TLL2: variants seen among roughly 807,000 people sequenced by gnomAD.
TLL2 encodes tolloid like 2, also known as tolloid-like protein 2.
Under a neutral mutation model 123.0 loss-of-function variants are expected in TLL2, and 106 were observed. The ratio of observed to expected loss-of-function variants is 0.86; its 90% CI spans 0.74 to 1.01. TLL2 has a LOEUF of 1.01. TLL2 is among the 50% of genes least tolerant of loss of function. The pLI, the probability that TLL2 is intolerant of heterozygous loss-of-function variation, is 0.00. For missense variants in TLL2, 1,332 were observed against 1,336.7 expected (o/e 1.00, Z 0.06); for synonymous variants, 494 against 516.8 (o/e 0.96, Z 0.60).
At chr10:96,476,877 C>CACACACACACACACACAG (rs1847261463) in intron 2 of TLL2, among the ~76,000 whole-genome samples, 1 of 149,676 alleles carries the variant, frequency 6.7e-6, no homozygotes, top group African/African-American at 2.5e-5. Context: ...CACACACACA[C>CACACACACACACACACAG]ACACACACAC....
intron 3 of TLL2, among the ~76,000 whole-genome samples, chr10:96,445,530 A>C (rs1309883398): frequency 6.6e-6 from 1 of 152,046 alleles, no homozygotes. Context: ...TCTCTAGTCT[A>C]CACCTCCCCC....
chr10:96,485,156 T>C (rs1019081901), intron 1 of TLL2, among the ~76,000 whole-genome samples: 3 of 152,176 alleles, frequency 2.0e-5, no homozygotes, highest in Admixed American at 2.0e-4. Flanking sequence ...ATGACCTAAA[T>C]GTAGGAGCTA....
intron 2 of TLL2, among the ~76,000 whole-genome samples, chr10:96,472,308 C>CA (rs1564914037): frequency 6.6e-6 from 1 of 152,180 alleles, no homozygotes; most frequent in African/African-American, 2.4e-5. Flanking sequence ...GGGAGCCCCC[C>CA]ACTGACCCAT....
intron 2 of TLL2, among the ~76,000 whole-genome samples, chr10:96,476,857 T>TACACACACACAC (rs56240059): frequency 8.5e-6 from 1 of 117,264 alleles, no homozygotes; most frequent in Non-Finnish European, 1.7e-5. Context: ...CCTTTTATGT[T>TACACACACACAC]ACACACACAC....
At chr10:96,396,041 A>G (rs1300634315) in intron 11 of TLL2, 21 bp from the exon 12 acceptor site, 2 of 1,612,918 alleles carry the variant, frequency 1.2e-6, no homozygotes, top group African/African-American at 2.7e-5. Context: ...AGACATCAGG[A>G]GAGGAAGACG....
chr10:96,495,737 G>A (rs540200884), intron 1 of TLL2, among the ~76,000 whole-genome samples: 102 of 152,186 alleles, frequency 6.7e-4, no homozygotes, highest in African/African-American at 2.4e-3. Flanking sequence ...TGTGAATCAC[G>A]CCTCCTGGAT....
At chr10:96,486,226 G>A (rs1365008416) in intron 1 of TLL2, among the ~76,000 whole-genome samples, 9 of 152,188 alleles carry the variant, frequency 5.9e-5, no homozygotes, top group Non-Finnish European at 1.3e-4. Context: ...AATGTTTCAT[G>A]ATATGGTTTG....
intron 2 of TLL2, among the ~76,000 whole-genome samples, chr10:96,460,110 G>C (rs1012961613): frequency 7.9e-5 from 12 of 152,046 alleles, no homozygotes; most frequent in African/African-American, 2.9e-4. Context: ...TGTATGTGTT[G>C]AGTAATTCCC....
chr10:96,465,295 C>T (rs1235879554), intron 2 of TLL2, among the ~76,000 whole-genome samples: 1 of 152,168 alleles, frequency 6.6e-6, no homozygotes, highest in African/African-American at 2.4e-5. Context: ...AATGCAATGG[C>T]CCGTTTGTTT....
intron 19 of TLL2, among the ~76,000 whole-genome samples, chr10:96,370,724 C>T (rs1050230970): frequency 4.6e-5 from 7 of 152,182 alleles, no homozygotes; most frequent in Admixed American, 1.3e-4. Context: ...CTCGCCCCAC[C>T]GACTGACTGC....
At chr10:96,396,096 G>C (rs992095223) in intron 11 of TLL2, 76 bp from the exon 12 acceptor site, 1 of 1,539,736 alleles carries the variant, frequency 6.5e-7, no homozygotes, top group Non-Finnish European at 8.8e-7. Context: ...TTGGGGAGGC[G>C]GGGGGAACAG....
In TLL2 at chr10:96,370,064, C is replaced by T. The variant is rs1011120565; in HGVS notation, c.2913+1G>A. ...CCGGCCCCAGCGTCTCCGGGACTTA[C>T]CCCAGAGCCACAGAAGCGGCCGAGC... On this transcript the variant is annotated splice_donor_variant, in intron 20 of 20. Coordinates refer to ENST00000357947, the MANE Select transcript of TLL2 (RefSeq NM_012465.4). LOFTEE classifies it high-confidence loss of function. 5 of 1,585,064 alleles carry T rather than the reference C, an allele frequency of 3.2e-6. No individual in the cohort carries two copies. Among genetic ancestry groups the T allele is most frequent in the South Asian group, 1.2e-5 (1 of 86,234 alleles).
At position 96,370,111 on chromosome 10, in the gene TLL2, C is replaced by CCGTCGTAGG; in HGVS notation, c.2858_2866dup (p.Ala953_Asp955dup). The CCGTCGTAGG allele has an allele frequency of 1.2e-6, 2 of 1,612,636 alleles. No individual in the cohort carries two copies. Among genetic ancestry groups the CCGTCGTAGG allele is most frequent in the Non-Finnish European group, 1.7e-6 (2 of 1,179,392 alleles). On this transcript the variant is annotated inframe_insertion, in exon 20 of 21. Coordinates refer to ENST00000357947, the MANE Select transcript of TLL2 (RefSeq NM_012465.4). ...GAGCCTGGGCGCTGAGCTGTCGTAGCCGTCGTAGGCTTCCATGTAGTCGTA... is the reference window on the plus strand; with the variant it reads ...GAGCCTGGGCGCTGAGCTGTCGTAGCCGTCGTAGGCGTCGTAGGCTTCCATGTAGTCGTA...
At chr10:96,499,439 C>T (rs1430293574) in intron 1 of TLL2, among the ~76,000 whole-genome samples, 3 of 152,144 alleles carry the variant, frequency 2.0e-5, no homozygotes, top group Non-Finnish European at 4.4e-5. Flanking sequence ...TAGTCAACCC[C>T]CTTTTCCTAG....
At chr10:96,416,318 C>T (rs1846560503) in intron 7 of TLL2, among the ~76,000 whole-genome samples, 1 of 152,224 alleles carries the variant, frequency 6.6e-6, no homozygotes, top group Admixed American at 6.5e-5. Context: ...GGGCCTGGGG[C>T]ATAGAGGCCA....
At chr10:96,445,593 T>C (rs952603955) in intron 3 of TLL2, among the ~76,000 whole-genome samples, 2 of 152,134 alleles carry the variant, frequency 1.3e-5, no homozygotes, top group African/African-American at 4.8e-5. Flanking sequence ...ACCCATTCAT[T>C]CTCTCAGACA....
chr10:96,447,007 G>A (rs1846902332), intron 2 of TLL2, among the ~76,000 whole-genome samples: 1 of 152,212 alleles, frequency 6.6e-6, no homozygotes, highest in Non-Finnish European at 1.5e-5. Flanking sequence ...ATGCTCTGAA[G>A]AAGATCAAAA....
Position 96,458,620 on chromosome 10 carries a change from A to T in TLL2, c.287-12452T>A, listed in dbSNP as rs1041973379. On this transcript the variant is annotated intron_variant, in intron 2 of 20. Coordinates refer to ENST00000357947, the MANE Select transcript of TLL2 (RefSeq NM_012465.4). ...AAAAAAAAAAAAAAAAAAAAAAAAAAATCAGCCAGTCGTGGTGGCTCACAC... is the reference window on the plus strand; with the variant it reads ...AAAAAAAAAAAAAAAAAAAAAAAAATATCAGCCAGTCGTGGTGGCTCACAC... Among the ~76,000 whole-genome samples the T allele has an allele frequency of 1.1e-4, 13 of 120,708 alleles. No individual in the cohort carries two copies. In the East Asian group the frequency reaches 2.5e-3, roughly 23 times the overall value. The allele number at this position is 120,708 out of a possible 152,430, so 79.2% of individuals were successfully genotyped here. A position where few individuals can be genotyped will look rare whatever the true frequency, so the allele number is the denominator to read the frequency against.
intron 3 of TLL2, among the ~76,000 whole-genome samples, chr10:96,441,557 G>A (rs1342803291): frequency 6.6e-6 from 1 of 152,170 alleles, no homozygotes; most frequent in African/African-American, 2.4e-5. Context: ...CACTGATACA[G>A]CCCAAAGGTT....
Sources: gnomAD v4.1 joint callset for allele counts (sites outside exome capture counted in the v4.1 genomes callset) on GRCh38, gnomAD v4.1.1 for gene constraint, MANE v1.5 for transcripts, NCBI Gene and HGNC (gene_info 2026-07-23, HGNC 2026-07-21) for gene names.